Variants in XRRA1 observed in about 807,000 individuals in gnomAD.
XRRA1 encodes the protein X-ray radiation resistance associated 1.
Under a neutral mutation model 80.2 loss-of-function variants are expected in XRRA1, and 69 were observed. That is an observed-to-expected ratio of 0.86 (90% CI 0.71 to 1.05). The LOEUF (loss-of-function observed/expected upper bound fraction) is 1.05, where lower values mean the gene tolerates loss of function less well. Ranked by LOEUF, XRRA1 falls within the 50% of genes least tolerant of loss-of-function variation. The pLI is 0.00. For synonymous variants in XRRA1, 348 were observed against 389.9 expected (o/e 0.89, Z 1.27); for missense variants, 967 against 976.4 (o/e 0.99, Z 0.13).
At chr11:74,859,042 C>G in intron 12 of XRRA1, 116 bp downstream of exon 12, 1 of 1,349,706 alleles carries the variant, frequency 7.4e-7, no homozygotes, top group East Asian at 2.9e-5. Flanking sequence ...AATTCCTGAG[C>G]CCATGTACCT....
At chr11:74,921,428 C>T (rs1940764293) in intron 7 of XRRA1, 81 bp from the exon 8 acceptor site, 10 of 1,561,608 alleles carry the variant, frequency 6.4e-6, no homozygotes, top group South Asian at 1.2e-5. Flanking sequence ...GAGCTACTTT[C>T]TAGAGTGCCC....
intron 10 of XRRA1, among the ~76,000 whole-genome samples, chr11:74,865,390 C>G (rs1219758900): frequency 6.6e-6 from 1 of 152,196 alleles, no homozygotes; most frequent in Non-Finnish European, 1.5e-5. Flanking sequence ...CAAGACAGGG[C>G]TCTCTAGCCT....
chr11:74,903,911 T>C (rs1298399026), intron 10 of XRRA1, among the ~76,000 whole-genome samples: 1 of 151,688 alleles, frequency 6.6e-6, no homozygotes, highest in African/African-American at 2.4e-5. Flanking sequence ...AAGATAAAAG[T>C]AGACATTTAT....
chr11:74,851,438 TAAAG>T (rs1183660392), intron 13 of XRRA1, among the ~76,000 whole-genome samples: 1 of 152,070 alleles, frequency 6.6e-6, no homozygotes, highest in South Asian at 2.1e-4. Flanking sequence ...TCCAAGATAA[TAAAG>T]ATAGTGTGGA....
chr11:74,858,372 C>T (rs183379649), intron 12 of XRRA1, among the ~76,000 whole-genome samples: 18 of 152,290 alleles, frequency 1.2e-4, no homozygotes, highest in Non-Finnish European at 4.4e-5. Flanking sequence ...ATGCCTGTCT[C>T]ACACTATATA....
chr11:74,849,891 C>T (rs981276756), intron 14 of XRRA1, among the ~76,000 whole-genome samples: 4 of 152,192 alleles, frequency 2.6e-5, no homozygotes, highest in Admixed American at 6.5e-5. Flanking sequence ...GGAGGGACTG[C>T]AGCCTTTGTC....
At chr11:74,907,378 T>C (rs1003884051) in intron 8 of XRRA1, 105 bp from the exon 9 acceptor site, 2 of 1,463,946 alleles carry the variant, frequency 1.4e-6, no homozygotes, top group African/African-American at 2.8e-5. Context: ...ACTAACCAGC[T>C]TAGGAACGGT....
chr11:74,947,500 T>TG (rs1947828353), intron 1 of XRRA1, among the ~76,000 whole-genome samples: 1 of 152,070 alleles, frequency 6.6e-6, no homozygotes. Context: ...ATCCCACCAC[T>TG]GCACTCCAGC....
intron 10 of XRRA1, among the ~76,000 whole-genome samples, chr11:74,893,143 C>A (rs1226122539): frequency 6.6e-6 from 1 of 152,140 alleles, no homozygotes; most frequent in Non-Finnish European, 1.5e-5. Context: ...ATAGCAAAGA[C>A]TTGGAACCAA....
chr11:74,885,731 A>T (rs2048862923), intron 10 of XRRA1, among the ~76,000 whole-genome samples: 1 of 152,218 alleles, frequency 6.6e-6, no homozygotes, highest in Non-Finnish European at 1.5e-5. Flanking sequence ...CATCATCCTG[A>T]TACCAAAACC....
intron 3 of XRRA1, among the ~76,000 whole-genome samples, chr11:74,939,828 T>A (rs1302800471): frequency 9.9e-5 from 14 of 141,182 alleles, no homozygotes; most frequent in Admixed American, 9.8e-4. Context: ...TGTGTCTGTG[T>A]GTGAGAGAGT....
At chr11:74,863,133 G>T in intron 10 of XRRA1, 112 bp from the exon 11 acceptor site, 1 of 1,002,722 alleles carries the variant, frequency 1.0e-6, no homozygotes, top group Non-Finnish European at 1.5e-6. Flanking sequence ...CTCCTAGAGG[G>T]AGTTCTCATT....
intron 10 of XRRA1, among the ~76,000 whole-genome samples, chr11:74,875,061 T>C (rs1234888713): frequency 6.6e-6 from 1 of 152,252 alleles, no homozygotes; most frequent in East Asian, 1.9e-4. Context: ...CTTAGTTCTT[T>C]ATGCTCATGC....
At chr11:74,923,765 C>T (rs879634852) in intron 7 of XRRA1, among the ~76,000 whole-genome samples, 3 of 152,154 alleles carry the variant, frequency 2.0e-5, no homozygotes, top group South Asian at 2.1e-4. Flanking sequence ...TCCAGCCATA[C>T]GGAGCTGTTT....
rs142323554 is a variant in XRRA1 at position 74,910,297 on chromosome 11, G to T, written c.657-3024C>A. Among the ~76,000 whole-genome samples the T allele has an allele frequency of 1.9e-4, 29 of 152,280 alleles. No homozygotes were observed. In the East Asian group the frequency reaches 5.0e-3, roughly 26 times the overall value. On this transcript the variant is annotated intron_variant, in intron 8 of 18. Transcript: ENST00000684022. ...GTGCTCTTTCAGGTGGCGTTATTTG[G>T]AATATAGTGACTAAAAGAAAGGAGG...
intron 18 of XRRA1, 85 bp downstream of exon 18, chr11:74,843,769 C>G: frequency 7.9e-7 from 1 of 1,261,632 alleles, no homozygotes; most frequent in South Asian, 1.3e-5. Context: ...AGGGCCTTTC[C>G]TGCACTGACA....
intron 1 of XRRA1, among the ~76,000 whole-genome samples, chr11:74,945,592 T>C (rs112158804): frequency 0.014 from 1,726 of 122,774 alleles, 17 homozygotes; most frequent in Middle Eastern, 0.046. Flanking sequence ...CTACAACTAA[T>C]GGGCCAAGAA....
In XRRA1 at chr11:74,940,919, G is replaced by T. The variant is rs373515380; in HGVS notation, c.-4-37C>A. On this transcript the variant is annotated intron_variant, in intron 2 of 18. Coordinates refer to ENST00000684022, the MANE Select transcript of XRRA1 (RefSeq NM_001378157.1). Reference sequence around the variant, plus strand: ...GCAAGGAAAGCAAGGAAGCAGAAGAGTGAAAAGGCACAGCAGAGCACTCTT... The same window carrying T: ...GCAAGGAAAGCAAGGAAGCAGAAGATTGAAAAGGCACAGCAGAGCACTCTT... The T allele has an allele frequency of 1.2e-5, 18 of 1,517,054 alleles. No individual in the cohort carries two copies. The African/African-American group carries it at 2.3e-4, about 20-fold the overall frequency. The allele number at this position is 1,517,054 out of a possible 1,614,324, so 94.0% of individuals were successfully genotyped here.
chr11:74,848,407 C>T lies in XRRA1; in HGVS notation c.1436G>A (p.Arg479His), dbSNP rs78981281. ...PKQPLVLHHPRMTTTKSPSKD... is the reference protein window; with the variant it reads ...PKQPLVLHHPHMTTTKSPSKD... The stretch of plus-strand genomic sequence containing the variant: ...TGAGGGAGACTTGGTTGTCGTCATG[C>T]GCGGGTGATGGAGCACCAGAGGCTG... Residue 479 changes from arginine to histidine, a missense_variant, in exon 15 of 19, where the codon CGC becomes CAC. Transcript: ENST00000684022. 1.1e-3 allele frequency: 1,808 copies of T among 1,613,736 alleles called. 16 individuals carry two copies. In the African/African-American group the frequency reaches 0.018, roughly 16 times the overall value.
Sources: allele counts gnomAD v4.1 joint callset (sites outside exome capture counted in the v4.1 genomes callset), GRCh38; gene constraint gnomAD v4.1.1; transcripts MANE v1.5; gene names NCBI Gene and HGNC (gene_info 2026-07-23, HGNC 2026-07-21).